LSM2: variants seen among roughly 807,000 people sequenced by gnomAD.
LSM2 encodes the protein U6 snRNA-associated Sm-like protein LSm2.
In LSM2, 12 loss-of-function variants were observed where a neutral mutation model predicts 17.0. That is an observed-to-expected ratio of 0.70 (90% CI 0.45 to 1.14). LSM2 has a LOEUF of 1.14. Among genes scored for constraint, LSM2 ranks in the 50% most tolerant of loss-of-function variants. The probability of loss-of-function intolerance (pLI) is 0.00; values close to 1 mark genes in which losing one functional copy is unlikely to be tolerated. For synonymous variants in LSM2, 42 were observed against 44.5 expected (o/e 0.94, Z 0.22); for missense variants, 62 against 111.8 (o/e 0.55, Z 2.01).
Position 31,797,969 on chromosome 6 carries a change from TCTC to T in LSM2, c.162+18_162+20del, listed in dbSNP as rs749375289. On this transcript the variant is annotated intron_variant, in intron 4 of 4. Coordinates refer to ENST00000375661, the MANE Select transcript of LSM2 (RefSeq NM_021177.5). ...CTCCTGCTTTAGAGGTGTTTCCTCT[TCTC>T]CACAGACCCCAACTCACCATGTGAG... The T allele has an allele frequency of 3.1e-5, 50 of 1,608,998 alleles. No homozygotes were observed. Among genetic ancestry groups the T allele is most frequent in the Non-Finnish European group, 4.1e-5 (48 of 1,177,308 alleles).
At chr6:31,800,834 G>A (rs1381846300) in intron 2 of LSM2, among the ~76,000 whole-genome samples, 5 of 151,030 alleles carry the variant, frequency 3.3e-5, no homozygotes, top group Admixed American at 1.3e-4. Flanking sequence ...TGCAGTGAGC[G>A]GAGATCACAC....
In LSM2 at chr6:31,806,942, G is replaced by T; in HGVS notation, c.-185C>A. ...CGCGGCCGACTTGCGGCTGGGGAGC[G>T]CAAGCTGGGTAGAGTAGAGGGGAGG... is the stretch of plus-strand genomic sequence containing the variant. On this transcript the variant is annotated 5_prime_UTR_variant, in exon 1 of 5. Coordinates refer to ENST00000375661, the MANE Select transcript of LSM2 (RefSeq NM_021177.5). The T allele has an allele frequency of 1.4e-6, 1 of 718,952 alleles. No homozygotes were observed. Among genetic ancestry groups the T allele is most frequent in the Non-Finnish European group, 2.2e-6 (1 of 448,088 alleles). 44.5% of individuals were successfully genotyped at this position (718,952 alleles called of 1,614,324 possible).
intron 1 of LSM2, chr6:31,806,544 T>C: frequency 2.9e-6 from 2 of 699,898 alleles, no homozygotes; most frequent in Non-Finnish European, 5.0e-6. Context: ...TCACTGAATC[T>C]CTCTCAGGGT....
intron 2 of LSM2, among the ~76,000 whole-genome samples, chr6:31,799,558 G>C (rs1814577301): frequency 6.6e-6 from 1 of 151,536 alleles, no homozygotes; most frequent in Non-Finnish European, 1.5e-5. Flanking sequence ...GGGTTTCACC[G>C]TGTTAGCCAG....
intron 2 of LSM2, among the ~76,000 whole-genome samples, chr6:31,799,905 A>G (rs963117262): frequency 2.0e-5 from 3 of 151,934 alleles, no homozygotes; most frequent in African/African-American, 4.8e-5. Context: ...TTAAAAAAAC[A>G]GCCTTTGGCT....
At chr6:31,802,178 A>T (rs1814751094) in intron 2 of LSM2, among the ~76,000 whole-genome samples, 1 of 151,028 alleles carries the variant, frequency 6.6e-6, no homozygotes, top group Non-Finnish European at 1.5e-5. Flanking sequence ...TACTTGGGAG[A>T]CTGAGGCAGG....
At chr6:31,806,214 TACCAAATAC>T in intron 1 of LSM2, 72 bp from the exon 2 acceptor site, 2 of 1,375,614 alleles carry the variant, frequency 1.5e-6, no homozygotes, top group Non-Finnish European at 2.1e-6. Flanking sequence ...TTGACAGTAT[TACCAAATAC>T]TGGTATTGTG....
At chr6:31,805,949 C>A (rs892667572) in intron 2 of LSM2, 126 bp downstream of exon 2, 1 of 812,630 alleles carries the variant, frequency 1.2e-6, no homozygotes, top group African/African-American at 1.7e-5. Flanking sequence ...AGCCACTGCA[C>A]CCTATCCATT....
chr6:31,801,501 G>C (rs1293889900), intron 2 of LSM2, among the ~76,000 whole-genome samples: 1 of 152,092 alleles, frequency 6.6e-6, no homozygotes, highest in Non-Finnish European at 1.5e-5. Flanking sequence ...AAACATAAGA[G>C]AAAGAACTTT....
intron 2 of LSM2, among the ~76,000 whole-genome samples, chr6:31,804,766 T>TC (rs1306176105): frequency 8.2e-6 from 1 of 122,426 alleles, no homozygotes. Flanking sequence ...TTTTTTTCTT[T>TC]TTTTTTTTTT....
At chr6:31,804,979 G>A (rs1297956092) in intron 2 of LSM2, among the ~76,000 whole-genome samples, 1 of 151,132 alleles carries the variant, frequency 6.6e-6, no homozygotes, top group African/African-American at 2.4e-5. Flanking sequence ...TGTTAAACAG[G>A]ATGATCTCAA....
chr6:31,805,662 C>T (rs1468034732), intron 2 of LSM2, among the ~76,000 whole-genome samples: 4 of 152,156 alleles, frequency 2.6e-5, no homozygotes, highest in East Asian at 1.9e-4. Context: ...ACGTCCAGCC[C>T]GTGAGCCACT....
Position 31,806,858 on chromosome 6 carries a change from G to T in LSM2, c.-101C>A. On this transcript the variant is annotated 5_prime_UTR_variant, in exon 1 of 5. Coordinates refer to ENST00000375661, the MANE Select transcript of LSM2 (RefSeq NM_021177.5). ...CGCGAGCCCGCGCGTGGGGCGAGGC[G>T]GGACCGCGCAGGCGCAGCGGGAAGC... The T allele has an allele frequency of 7.0e-7, 1 of 1,436,276 alleles. No individual in the cohort carries two copies. The highest frequency in any genetic ancestry group is 9.2e-7 in the Non-Finnish European group (1 of 1,081,336). 89.0% of individuals were successfully genotyped at this position (1,436,276 alleles called of 1,614,324 possible).
intron 2 of LSM2, among the ~76,000 whole-genome samples, chr6:31,800,480 C>T (rs1269388247): frequency 6.6e-6 from 1 of 152,132 alleles, no homozygotes; most frequent in Non-Finnish European, 1.5e-5. Context: ...AGGCCATGTG[C>T]GGTGGCTCAT....
intron 2 of LSM2, among the ~76,000 whole-genome samples, chr6:31,804,088 C>T (rs1465230732): frequency 2.0e-5 from 3 of 152,050 alleles, no homozygotes; most frequent in African/African-American, 4.8e-5. Flanking sequence ...TAGGACTAGG[C>T]GCAGTGGCTC....
chr6:31,806,701 C>A (rs1014144401), intron 1 of LSM2, 54 bp downstream of exon 1: 38 of 1,600,942 alleles, frequency 2.4e-5, no homozygotes, highest in Non-Finnish European at 3.1e-5. Context: ...AGATCCCCCG[C>A]CCCAACCATG....
In LSM2 at chr6:31,797,725, T is replaced by A. The variant is rs1406084610; in HGVS notation, c.*32A>T. ...GGGACTTGGGGTTATGGGTCACCAA[T>A]GAAAGAGGGAGGGGAAGAGGAGGAG... On this transcript the variant is annotated 3_prime_UTR_variant, in exon 5 of 5. Coordinates refer to ENST00000375661, the MANE Select transcript of LSM2 (RefSeq NM_021177.5). 1 of 1,611,714 alleles carries A rather than the reference T, an allele frequency of 6.2e-7. No individual in the cohort carries two copies. The highest frequency in any genetic ancestry group is 1.9e-4 in the Middle Eastern group (1 of 5,246).
chr6:31,806,050 C>G, intron 2 of LSM2, 25 bp downstream of exon 2: 1 of 1,610,678 alleles, frequency 6.2e-7, no homozygotes, highest in Non-Finnish European at 8.5e-7. Flanking sequence ...CCACCCCCAA[C>G]AGACTTGTTG....
chr6:31,804,359 C>CAAAA, intron 2 of LSM2, among the ~76,000 whole-genome samples: 1 of 84,456 alleles, frequency 1.2e-5, no homozygotes, highest in Non-Finnish European at 2.5e-5. Flanking sequence ...AACTCCATCT[C>CAAAA]AAAAAAAAAA....
Sources: allele counts gnomAD v4.1 joint callset (sites outside exome capture counted in the v4.1 genomes callset), GRCh38; gene constraint gnomAD v4.1.1; transcripts MANE v1.5; gene names NCBI Gene and HGNC (gene_info 2026-07-23, HGNC 2026-07-21).